The following PDE4D variants were observed in gnomAD, a reference collection of about 807,000 sequenced individuals.
The protein encoded by PDE4D is 3',5'-cyclic-AMP phosphodiesterase 4D.
A neutral mutation model predicts 87.4 loss-of-function variants in PDE4D; 24 were observed. The observed-to-expected ratio is 0.27, with a 90% CI of 0.20 to 0.39. The LOEUF (loss-of-function observed/expected upper bound fraction) is 0.39, where lower values mean the gene tolerates loss of function less well. Ranked by LOEUF, PDE4D falls within the 10% of genes least tolerant of loss-of-function variation. The probability of loss-of-function intolerance (pLI) is 1.00; values close to 1 mark genes in which losing one functional copy is unlikely to be tolerated. For missense variants in PDE4D, 714 were observed against 1,041.0 expected (o/e 0.69, Z 4.32); for synonymous variants, 384 against 383.2 (o/e 1.00, Z -0.02).
At chr5:59,296,332 A>G (rs139978052) in intron 1 of PDE4D, among the ~76,000 whole-genome samples, 3,321 of 152,248 alleles carry the variant, frequency 0.022, 56 homozygotes, top group Non-Finnish European at 0.031. Context: ...TCAGGCCTTC[A>G]GGCCTTCAGG....
chr5:59,438,637 A>G (rs1797133423), intron 1 of PDE4D, among the ~76,000 whole-genome samples: 1 of 152,130 alleles, frequency 6.6e-6, no homozygotes, highest in Non-Finnish European at 1.5e-5. Context: ...ATTATAAATT[A>G]TCTGGTTATC....
At chr5:59,921,005 A>C (rs572162430) in intron 3 of PDE4D, among the ~76,000 whole-genome samples, 2 of 152,198 alleles carry the variant, frequency 1.3e-5, no homozygotes, top group Non-Finnish European at 2.9e-5. Flanking sequence ...CCTAGAACTT[A>C]AAGTATATTA....
chr5:58,999,306 A>C (rs1749932432), intron 6 of PDE4D, among the ~76,000 whole-genome samples: 1 of 152,182 alleles, frequency 6.6e-6, no homozygotes, highest in South Asian at 2.1e-4. Context: ...TTTAACACTC[A>C]AACTACAACT....
intron 1 of PDE4D, among the ~76,000 whole-genome samples, chr5:59,771,470 A>AGAGAGAG (rs1491378347): frequency 2.2e-5 from 2 of 92,340 alleles, no homozygotes; most frequent in African/African-American, 9.9e-5. Context: ...AGAAAGAAAG[A>AGAGAGAG]AAGAAAGAAA....
At chr5:60,301,626 G>A (rs1753900444) in intron 1 of PDE4D, among the ~76,000 whole-genome samples, 1 of 152,108 alleles carries the variant, frequency 6.6e-6, no homozygotes, top group Admixed American at 6.5e-5. Context: ...CTGTTTTCTA[G>A]ATATAGGATC....
chr5:60,044,942 T>A (rs1769024184), intron 2 of PDE4D, among the ~76,000 whole-genome samples: 2 of 152,220 alleles, frequency 1.3e-5, no homozygotes, highest in African/African-American at 4.8e-5. Flanking sequence ...ATCGCCACAC[T>A]GACTTCCACA....
At chr5:58,980,888 T>C (rs1188200519) in intron 11 of PDE4D, among the ~76,000 whole-genome samples, 2 of 152,148 alleles carry the variant, frequency 1.3e-5, no homozygotes, top group African/African-American at 2.4e-5. Flanking sequence ...AGAAGTCCCA[T>C]GTCTGCAAAG....
At chr5:60,369,836 A>G (rs908305812) in intron 1 of PDE4D, among the ~76,000 whole-genome samples, 1 of 152,194 alleles carries the variant, frequency 6.6e-6, no homozygotes, top group Non-Finnish European at 1.5e-5. Context: ...CACACAAAAA[A>G]AAATCAGACC....
At chr5:59,346,002 T>C (rs1264734665) in intron 1 of PDE4D, among the ~76,000 whole-genome samples, 1 of 152,172 alleles carries the variant, frequency 6.6e-6, no homozygotes, top group Non-Finnish European at 1.5e-5. Flanking sequence ...AAGTAAATTG[T>C]AGCATATTCA....
intron 2 of PDE4D, among the ~76,000 whole-genome samples, chr5:59,204,198 A>ATAC: frequency 6.6e-6 from 1 of 152,176 alleles, no homozygotes; most frequent in Non-Finnish European, 1.5e-5. Context: ...TTGACCAAAA[A>ATAC]AAAAAAAAAA....
chr5:59,194,800 G>C (rs531105908), intron 2 of PDE4D, among the ~76,000 whole-genome samples: 96 of 152,230 alleles, frequency 6.3e-4, no homozygotes, highest in African/African-American at 2.3e-3. Flanking sequence ...GAGGGCATAA[G>C]GTCTAAAAAC....
At chr5:59,558,183 T>A (rs1350344405) in intron 1 of PDE4D, among the ~76,000 whole-genome samples, 1 of 152,184 alleles carries the variant, frequency 6.6e-6, no homozygotes. Flanking sequence ...ACAATAAATA[T>A]GAACTTTTGT....
intron 1 of PDE4D, among the ~76,000 whole-genome samples, chr5:59,892,795 A>T (rs896206744): frequency 8.6e-5 from 13 of 151,800 alleles, no homozygotes; most frequent in Non-Finnish European, 1.5e-4. Flanking sequence ...CTCCACCCAG[A>T]GCAAACTGAT....
chr5:60,219,940 G>A (rs1202895468), intron 1 of PDE4D, among the ~76,000 whole-genome samples: 3 of 152,144 alleles, frequency 2.0e-5, no homozygotes, highest in African/African-American at 7.2e-5. Context: ...ACAGATTTAT[G>A]TTCTGGCACA....
chr5:59,885,562 T>C (rs1248058755), intron 1 of PDE4D, among the ~76,000 whole-genome samples: 1 of 152,190 alleles, frequency 6.6e-6, no homozygotes, highest in Non-Finnish European at 1.5e-5. Flanking sequence ...AAAAGACTCA[T>C]TGAGAATTGG....
chr5:60,334,990 T>C (rs1237242158), intron 1 of PDE4D: 2 of 152,118 alleles, frequency 1.3e-5, no homozygotes, highest in Admixed American at 6.6e-5. Flanking sequence ...CTCCTATATA[T>C]AGCAAAATAC....
chr5:59,263,291 T>C (rs1762331161), intron 1 of PDE4D, among the ~76,000 whole-genome samples: 1 of 151,882 alleles, frequency 6.6e-6, no homozygotes, highest in African/African-American at 2.4e-5. Context: ...GCAAACCCAG[T>C]CTACTCCAAA....
intron 1 of PDE4D, among the ~76,000 whole-genome samples, chr5:59,401,992 A>G (rs1412446170): frequency 2.0e-5 from 3 of 152,224 alleles, no homozygotes; most frequent in South Asian, 2.1e-4. Flanking sequence ...CCGAAGGTCA[A>G]AAAGATTTTC....
chr5:59,883,404 C>T (rs1362131447), intron 1 of PDE4D, among the ~76,000 whole-genome samples: 1 of 152,104 alleles, frequency 6.6e-6, no homozygotes, highest in Non-Finnish European at 1.5e-5. Context: ...TAATGGTGCA[C>T]ACTTAGTGTT....
Sources: allele counts gnomAD v4.1 joint callset (sites outside exome capture counted in the v4.1 genomes callset), GRCh38; gene constraint gnomAD v4.1.1; transcripts MANE v1.5; gene names NCBI Gene and HGNC (gene_info 2026-07-23, HGNC 2026-07-21).